The following TYRP1 variants were observed in gnomAD, a reference collection of about 807,000 sequenced individuals.
TYRP1 encodes the protein tyrosinase related protein 1.
Under a neutral mutation model 42.8 loss-of-function variants are expected in TYRP1, and 49 were observed. The ratio of observed to expected loss-of-function variants is 1.14; its 90% CI spans 0.91 to 1.45. The LOEUF (loss-of-function observed/expected upper bound fraction) is 1.45. Ranked by LOEUF, TYRP1 falls within the 40% of genes most tolerant of loss-of-function variation. The probability of loss-of-function intolerance (pLI) is 0.00; values close to 1 mark genes in which losing one functional copy is unlikely to be tolerated. For missense variants in TYRP1, 848 were observed against 662.0 expected (o/e 1.28, Z -3.08); for synonymous variants, 279 against 235.4 (o/e 1.19, Z -1.69).
chr9:12,709,269 C>T lies in TYRP1; in HGVS notation c.*87C>T. The T allele has an allele frequency of 7.8e-7, 1 of 1,284,068 alleles. No individual in the cohort carries two copies. The highest frequency in any genetic ancestry group is 1.2e-5 in the South Asian group (1 of 83,316). 79.5% of individuals were successfully genotyped at this position (1,284,068 alleles called of 1,614,324 possible). On this transcript the variant is annotated 3_prime_UTR_variant, in exon 8 of 8. Coordinates refer to ENST00000388918, the MANE Select transcript of TYRP1 (RefSeq NM_000550.3). Reference sequence around the variant, plus strand: ...GAGTTATTAACTGTATTTTCTTTCACTTTATTACCTTCTTTCTAATACAAG... The same window carrying T: ...GAGTTATTAACTGTATTTTCTTTCATTTTATTACCTTCTTTCTAATACAAG...
At position 12,695,569 on chromosome 9, in the gene TYRP1, C is replaced by T. The variant is rs1235289404; in HGVS notation, c.440C>T (p.Ala147Val). The change falls in exon 3 of 8, where the codon GCC becomes GTC. Residue 147 changes from alanine (A) to valine (V), a missense_variant. By Grantham distance (64) the Ala-to-Val change is moderately conservative (BLOSUM62 0). Transcript: ENST00000388918. ...GAAGAAAAGAACCACTTTGTCCGGG[C>T]CCTGGATATGGCAAAGCGCACAACT... ...SKEEKNHFVR[A>V]LDMAKRTTHP... is the part of the protein sequence containing the mutation. The T allele has an allele frequency of 1.9e-6, 3 of 1,614,004 alleles. No homozygotes were observed. Among genetic ancestry groups the T allele is most frequent in the East Asian group, 4.5e-5 (2 of 44,870 alleles).
At chr9:12,703,160 A>G (rs1017380532) in intron 5 of TYRP1, among the ~76,000 whole-genome samples, 2 of 151,978 alleles carry the variant, frequency 1.3e-5, no homozygotes, top group Admixed American at 1.3e-4. Flanking sequence ...AGTCTTCAAA[A>G]GAATATAATT....
In TYRP1 at chr9:12,710,166, T is replaced by TC. The variant is rs1304374146; in HGVS notation, c.*985dup. The TC allele has an allele frequency of 2.0e-5, 3 of 151,734 alleles. No individual in the cohort carries two copies. Among genetic ancestry groups the TC allele is most frequent in the Non-Finnish European group, 4.4e-5 (3 of 67,788 alleles). The allele number at this position is 151,734 out of a possible 1,614,324, so 9.4% of individuals were successfully genotyped here. A position where few individuals can be genotyped will look rare whatever the true frequency, so the allele number is the denominator to read the frequency against. ...TTCTCTTCTAACATGAAATATATTTTCTCTTTTTGATCTTGTGCTATGAAA... is the reference window on the plus strand; with the variant it reads ...TTCTCTTCTAACATGAAATATATTTTCCTCTTTTTGATCTTGTGCTATGAAA... On this transcript the variant is annotated 3_prime_UTR_variant, in exon 8 of 8. Coordinates refer to ENST00000388918, the MANE Select transcript of TYRP1 (RefSeq NM_000550.3).
In TYRP1 at chr9:12,704,526, G is replaced by C. The variant is rs372225049; in HGVS notation, c.1082G>C (p.Gly361Ala). 67 of 1,611,336 alleles carry C rather than the reference G, an allele frequency of 4.2e-5. No homozygotes were observed. The highest frequency in any genetic ancestry group is 5.4e-5 in the Non-Finnish European group (64 of 1,179,248). ...STNSFRNTVE[G>A]YSDPTGKYDP... is the part of the protein sequence containing the mutation. Reference sequence around the variant, plus strand: ...ATTCTCCTCCTTACCATGTGTCTAGGTTACAGTGACCCCACGGGAAAGTAT... The same window carrying C: ...ATTCTCCTCCTTACCATGTGTCTAGCTTACAGTGACCCCACGGGAAAGTAT... Residue 361 changes from glycine to alanine, a missense_variant and splice_region_variant, in exon 6 of 8, where the codon GGT (glycine) becomes GCT (alanine). Physicochemically the swap from Gly to Ala is moderately conservative, Grantham distance 60 (BLOSUM62 0). Coordinates refer to ENST00000388918, the MANE Select transcript of TYRP1 (RefSeq NM_000550.3).
intron 4 of TYRP1, among the ~76,000 whole-genome samples, chr9:12,701,277 C>A (rs889304341): frequency 2.0e-5 from 3 of 151,890 alleles, no homozygotes; most frequent in Non-Finnish European, 4.4e-5. Context: ...CCACTACTAT[C>A]CTGGCACATA....
chr9:12,694,635 G>A, intron 2 of TYRP1: 1 of 542,060 alleles, frequency 1.8e-6, no homozygotes, highest in Non-Finnish European at 3.3e-6. Flanking sequence ...CCTAGGAACT[G>A]TGTTAGGTAT....
At chr9:12,708,516 A>G (rs995900522) in intron 7 of TYRP1, among the ~76,000 whole-genome samples, 4 of 151,978 alleles carry the variant, frequency 2.6e-5, no homozygotes, top group Admixed American at 2.0e-4. Flanking sequence ...CAATTTTTCT[A>G]CTATACCATA....
chr9:12,704,621 T>C lies in TYRP1; in HGVS notation c.1177T>C (p.Leu393=). The part of the protein sequence containing the change: ...FLNGTGGQTH[L]SPNDPIFVLL... The stretch of plus-strand genomic sequence containing the variant: ...GAATGGAACAGGGGGACAAACCCAT[T>C]TGTCTCCAAATGATCCTATTTTTGT... Residue 393 remains leucine (L), a synonymous_variant, in exon 6 of 8, where the codon TTG becomes CTG. Coordinates refer to ENST00000388918, the MANE Select transcript of TYRP1 (RefSeq NM_000550.3). 6.2e-7 allele frequency: 1 copy of C among 1,613,166 alleles called. No homozygotes were observed. The highest frequency in any genetic ancestry group is 2.2e-5 in the East Asian group (1 of 44,824).
In TYRP1 at chr9:12,698,765, T is replaced by C. The variant is rs1818119235; in HGVS notation, c.913+110T>C. The C allele has an allele frequency of 6.7e-6, 7 of 1,046,514 alleles. No homozygotes were observed. In the East Asian group the frequency reaches 1.3e-4, roughly 19 times the overall value. The allele number at this position is 1,046,514 out of a possible 1,614,324, so 64.8% of individuals were successfully genotyped here. ...CTAGAGAATTCAGACTAAAATCTAC[T>C]TTTATTATAGAGTAACAGTGTACCA... On this transcript the variant is annotated intron_variant, in intron 4 of 7. Coordinates refer to ENST00000388918, the MANE Select transcript of TYRP1 (RefSeq NM_000550.3).
At chr9:12,704,921 C>T (rs1381048024) in intron 6 of TYRP1, among the ~76,000 whole-genome samples, 1 of 151,930 alleles carries the variant, frequency 6.6e-6, no homozygotes, top group African/African-American at 2.4e-5. Flanking sequence ...TATTTTTAAC[C>T]ATTTGCTGGG....
At chr9:12,698,693 T>C (rs1404896338) in intron 4 of TYRP1, 38 bp downstream of exon 4, 1 of 1,590,254 alleles carries the variant, frequency 6.3e-7, no homozygotes. Flanking sequence ...AGAATTTCTT[T>C]TTAGATAAAG....
chr9:12,707,148 A>G (rs1198803864), intron 6 of TYRP1, among the ~76,000 whole-genome samples: 1 of 152,054 alleles, frequency 6.6e-6, no homozygotes, highest in Non-Finnish European at 1.5e-5. Flanking sequence ...TATATGAATT[A>G]AGTTTTAAAT....
rs150899857 is a variant in TYRP1, at chr9:12,709,082, G to A, written c.1514G>A (p.Arg505His). 2.5e-4 allele frequency: 401 copies of A among 1,612,726 alleles called. 1 individual carries two copies. Among genetic ancestry groups the A allele is most frequent in the Non-Finnish European group, 6.5e-5 (77 of 1,179,192 alleles). The change falls in exon 8 of 8, where the codon CGC (arginine) becomes CAC (histidine). Residue 505 changes from arginine (R) to histidine (H), a missense_variant. Arg to His is a conservative substitution (Grantham distance 29). Coordinates refer to ENST00000388918, the MANE Select transcript of TYRP1 (RefSeq NM_000550.3). ...GTASYLIRAR[R>H]SMDEANQPLL... ...GCTTCTTATCTGATTCGTGCCAGAC[G>A]CAGTATGGATGAAGCTAACCAGCCT...
At chr9:12,706,623 T>A (rs1179894171) in intron 6 of TYRP1, among the ~76,000 whole-genome samples, 1 of 151,986 alleles carries the variant, frequency 6.6e-6, no homozygotes, top group African/African-American at 2.4e-5. Context: ...CATAAAATTA[T>A]AGGATAGGTC....
In TYRP1 at chr9:12,708,385, A is replaced by G. The variant is rs147041273; in HGVS notation, c.1408+242A>G. 7.3e-4 allele frequency among the ~76,000 whole-genome samples: 111 copies of G among 152,096 alleles called. 1 individual carries two copies. The East Asian group carries it at 0.019, about 26-fold the overall frequency. ...TTAATCCTCACAATGCTTTGGGGTGAGTATGAAAATCTTCATTTCACAAAT... is the reference window on the plus strand; with the variant it reads ...TTAATCCTCACAATGCTTTGGGGTGGGTATGAAAATCTTCATTTCACAAAT... On this transcript the variant is annotated intron_variant, in intron 7 of 7. Transcript: ENST00000388918.
rs772194364 is a variant in TYRP1, at chr9:12,694,182, G to A, written c.186G>A (p.Arg62=). The change falls in exon 2 of 8, where the codon AGG becomes AGA. Residue 62 remains arginine (R), a synonymous_variant. Transcript: ENST00000388918. ...GTDRCGSSSG[R]GRCEAVTADS... ...ACCGCTGTGGCTCATCATCAGGGAG[G>A]GGCAGATGTGAGGCAGTGACTGCAG... The A allele has an allele frequency of 1.2e-6, 2 of 1,613,906 alleles. No individual in the cohort carries two copies. The highest frequency in any genetic ancestry group is 1.7e-6 in the Non-Finnish European group (2 of 1,179,956).
intron 4 of TYRP1, 55 bp from the exon 5 acceptor site, chr9:12,702,216 C>T: frequency 6.3e-7 from 1 of 1,585,610 alleles, no homozygotes; most frequent in Non-Finnish European, 8.7e-7. Flanking sequence ...TAAAGAGCGA[C>T]AATAAGAACT....
Position 12,704,606 on chromosome 9 carries a change from G to A in TYRP1, c.1162G>A (p.Gly388Arg). 1 of 1,613,116 alleles carries A rather than the reference G, an allele frequency of 6.2e-7. No homozygotes were observed. The highest frequency in any genetic ancestry group is 1.1e-5 in the South Asian group (1 of 91,066). ...GGCTCATCTATTCCTGAATGGAACA[G>A]GGGGACAAACCCATTTGTCTCCAAA... ...NLAHLFLNGT[G>R]GQTHLSPNDP... is the part of the protein sequence containing the mutation. Residue 388 changes from glycine to arginine, a missense_variant, in exon 6 of 8, where the codon GGG (glycine) becomes AGG (arginine). By Grantham distance (125) the Gly-to-Arg change is moderately radical. Coordinates refer to ENST00000388918, the MANE Select transcript of TYRP1 (RefSeq NM_000550.3).
At chr9:12,693,888 C>G (rs1818032934) in intron 1 of TYRP1, 24 bp from the exon 2 acceptor site, 1 of 1,500,234 alleles carries the variant, frequency 6.7e-7, no homozygotes, top group Non-Finnish European at 9.1e-7. Context: ...CTTGCATAAT[C>G]TCATTTTACT....
Sources: gnomAD v4.1 joint callset for allele counts (sites outside exome capture counted in the v4.1 genomes callset) on GRCh38, gnomAD v4.1.1 for gene constraint, MANE v1.5 for transcripts, NCBI Gene and HGNC (gene_info 2026-07-23, HGNC 2026-07-21) for gene names.